The following NBAS variants were observed in gnomAD, a reference collection of about 807,000 sequenced individuals.
NBAS encodes the protein NBAS subunit of NRZ tethering complex.
In NBAS, 219 loss-of-function variants were observed where a neutral mutation model predicts 302.5. That is an observed-to-expected ratio of 0.72 (90% CI 0.65 to 0.81). NBAS has a LOEUF of 0.81. NBAS is among the 30% of genes least tolerant of loss of function. NBAS has a pLI of 0.00. For missense variants in NBAS, 2,932 were observed against 2,841.6 expected, an observed-to-expected ratio of 1.03 and a Z score of -0.72; for synonymous variants, 1,118 against 1,021.6, an observed-to-expected ratio of 1.09 and a Z score of -1.80.
intron 2 of NBAS, among the ~76,000 whole-genome samples, chr2:15,557,654 T>C (rs1573014412): frequency 2.0e-5 from 3 of 152,328 alleles, no homozygotes; most frequent in Admixed American, 6.5e-5. Flanking sequence ...AATTTTCTCT[T>C]TATAAGGAAC....
chr2:15,442,370 A>G (rs900217097), intron 21 of NBAS, among the ~76,000 whole-genome samples: 5 of 150,860 alleles, frequency 3.3e-5, no homozygotes, highest in Non-Finnish European at 7.4e-5. Flanking sequence ...GCTCAACTAC[A>G]TGGAAACTGA....
At chr2:15,173,403 T>C (rs1452240227) in intron 51 of NBAS, among the ~76,000 whole-genome samples, 2 of 152,216 alleles carry the variant, frequency 1.3e-5, no homozygotes, top group Non-Finnish European at 2.9e-5. Context: ...CTCATTTCAT[T>C]TGCTTTCAAG....
At chr2:14,800,087 C>G in the NBAS span, among the ~76,000 whole-genome samples, 1 of 152,268 alleles carries the variant, frequency 6.6e-6, no homozygotes, top group South Asian at 2.1e-4. Context: ...AATCTTCCAC[C>G]ATGGTATTTG....
chr2:15,087,435 C>T, the NBAS span, among the ~76,000 whole-genome samples: 1 of 152,210 alleles, frequency 6.6e-6, no homozygotes, highest in African/African-American at 2.4e-5. Flanking sequence ...CAGGCTTTCT[C>T]CTTCCTTGGT....
At chr2:14,972,638 G>T in the NBAS span, among the ~76,000 whole-genome samples, 1 of 152,118 alleles carries the variant, frequency 6.6e-6, no homozygotes, top group Non-Finnish European at 1.5e-5. Flanking sequence ...ACTTTCTAAG[G>T]TCACCAAGTT....
chr2:14,840,231 C>G, the NBAS span, among the ~76,000 whole-genome samples: 2 of 151,738 alleles, frequency 1.3e-5, no homozygotes, highest in East Asian at 1.9e-4. Context: ...TACAAACACA[C>G]AGTCAGAGGA....
chr2:15,315,054 A>G (rs1671444030), intron 38 of NBAS, among the ~76,000 whole-genome samples: 1 of 152,206 alleles, frequency 6.6e-6, no homozygotes, highest in Non-Finnish European at 1.5e-5. Context: ...CTAGGGTGGC[A>G]ATAAGGTCTG....
At chr2:15,267,644 T>C (rs867297639) in intron 44 of NBAS, among the ~76,000 whole-genome samples, 35 of 152,232 alleles carry the variant, frequency 2.3e-4, no homozygotes, top group Non-Finnish European at 3.2e-4. Flanking sequence ...ACGAAAAAGA[T>C]CACAAGATCT....
chr2:15,513,306 T>C (rs1173596966), intron 9 of NBAS, among the ~76,000 whole-genome samples: 2 of 152,166 alleles, frequency 1.3e-5, no homozygotes, highest in Non-Finnish European at 2.9e-5. Flanking sequence ...AGCAAATCCT[T>C]AGAGCTAACA....
At chr2:15,328,060 A>T (rs1162250781) in intron 37 of NBAS, 139 bp downstream of exon 37, 2 of 1,155,132 alleles carry the variant, frequency 1.7e-6, no homozygotes, top group Non-Finnish European at 2.5e-6. Context: ...ATATATACCA[A>T]AAAAATGTAA....
intron 44 of NBAS, among the ~76,000 whole-genome samples, chr2:15,266,325 C>A (rs550307119): frequency 6.6e-6 from 1 of 152,260 alleles, no homozygotes; most frequent in South Asian, 2.1e-4. Context: ...CTAAGTACGG[C>A]TACAATTAAA....
chr2:14,811,699 T>A, the NBAS span, among the ~76,000 whole-genome samples: 3 of 151,700 alleles, frequency 2.0e-5, no homozygotes, highest in African/African-American at 7.3e-5. Flanking sequence ...AAAGACTAGA[T>A]GAGGGGAAGA....
the NBAS span, among the ~76,000 whole-genome samples, chr2:14,918,307 C>A: frequency 9.0e-6 from 1 of 111,616 alleles, no homozygotes; most frequent in Non-Finnish European, 1.7e-5. Flanking sequence ...AGGAAGAAAT[C>A]CATGCAAAAA....
the NBAS span, among the ~76,000 whole-genome samples, chr2:14,811,433 T>C: frequency 1.1e-3 from 166 of 152,084 alleles, no homozygotes; most frequent in African/African-American, 3.9e-3. Context: ...AATAAGGTTT[T>C]CGGAATCCAT....
chr2:15,172,824 G>C (rs1049161390), intron 51 of NBAS, among the ~76,000 whole-genome samples: 2 of 152,192 alleles, frequency 1.3e-5, no homozygotes, highest in Admixed American at 6.5e-5. Context: ...AGATAGTCTG[G>C]TGCTATGAAA....
intron 31 of NBAS, 149 bp from the exon 32 acceptor site, chr2:15,366,842 A>G: frequency 2.8e-6 from 2 of 713,194 alleles, no homozygotes; most frequent in Non-Finnish European, 5.0e-6. Flanking sequence ...GGCACGTTTA[A>G]CAAACAGCAA....
At chr2:14,816,132 A>G in the NBAS span, among the ~76,000 whole-genome samples, 1,018 of 152,304 alleles carry the variant, frequency 6.7e-3, 6 homozygotes, top group African/African-American at 0.022. Context: ...CTCTCTAGAC[A>G]TGGAAGCCCA....
At chr2:14,802,331 G>T in the NBAS span, among the ~76,000 whole-genome samples, 641 of 150,012 alleles carry the variant, frequency 4.3e-3, 6 homozygotes, top group African/African-American at 0.015. Context: ...TCAGATAGTT[G>T]TAGGTATGCG....
intron 48 of NBAS, among the ~76,000 whole-genome samples, chr2:15,211,930 T>C (rs1455231360): frequency 6.6e-6 from 1 of 152,150 alleles, no homozygotes. Flanking sequence ...CAAAAAGCAT[T>C]CTTCAGAATT....
Sources: allele counts gnomAD v4.1 joint callset (sites outside exome capture counted in the v4.1 genomes callset), GRCh38; gene constraint gnomAD v4.1.1; transcripts MANE v1.5; gene names NCBI Gene and HGNC (gene_info 2026-07-23, HGNC 2026-07-21).